The following PTPRF variants were observed in gnomAD, a reference collection of about 807,000 sequenced individuals.
PTPRF encodes the protein protein tyrosine phosphatase receptor type F, also known as receptor-type tyrosine-protein phosphatase F.
In PTPRF, 59 loss-of-function variants were observed where a neutral mutation model predicts 201.8. The ratio of observed to expected loss-of-function variants is 0.29; its 90% CI spans 0.24 to 0.36. The LOEUF is 0.36. Ranked by LOEUF, PTPRF falls within the 10% of genes least tolerant of loss-of-function variation. PTPRF has a pLI of 1.00. For missense variants in PTPRF, 2,132 were observed against 2,690.5 expected (o/e 0.79, Z 4.59); for synonymous variants, 1,088 against 1,089.7 (o/e 1.00, Z 0.03).
chr1:43,603,297 A>G lies in PTPRF; in HGVS notation c.2341-119A>G. Reference sequence around the variant, plus strand: ...CCACCATTGTATAGCCCCACCTTCCACAACCCCTGGCCTTGTGTGCCCCGG... The same window carrying G: ...CCACCATTGTATAGCCCCACCTTCCGCAACCCCTGGCCTTGTGTGCCCCGG... On this transcript the variant is annotated intron_variant, in intron 14 of 33. Coordinates refer to ENST00000359947, the MANE Select transcript of PTPRF (RefSeq NM_002840.5). The surrounding 1 kb of genome is among the most constrained non-coding windows in gnomAD (Gnocchi z 5.8). 1 of 876,570 alleles carries G rather than the reference A, an allele frequency of 1.1e-6. No individual in the cohort carries two copies. The highest frequency in any genetic ancestry group is 1.6e-5 in the African/African-American group (1 of 60,704). 54.3% of individuals were successfully genotyped at this position (876,570 alleles called of 1,614,324 possible). A position where few individuals can be genotyped will look rare whatever the true frequency, so the allele number is the denominator to read the frequency against.
intron 5 of PTPRF, among the ~76,000 whole-genome samples, chr1:43,567,284 G>T (rs1392077545): frequency 6.6e-6 from 1 of 152,150 alleles, no homozygotes; most frequent in East Asian, 1.9e-4. Context: ...AGCAGCAGCT[G>T]GGCCAAAGGA....
chr1:43,539,773 GGA>G (rs1172199993), intron 2 of PTPRF, among the ~76,000 whole-genome samples: 1 of 152,188 alleles, frequency 6.6e-6, no homozygotes, highest in Admixed American at 6.5e-5. Context: ...ACCTGAAGGT[GGA>G]GCCCTCTGTC....
Position 43,542,124 on chromosome 1 carries a change from C to T in PTPRF, c.-45-2907C>T, listed in dbSNP as rs1302101227. Among the ~76,000 whole-genome samples, 1 of 152,190 alleles carries T rather than the reference C, an allele frequency of 6.6e-6. No homozygotes were observed. The highest frequency in any genetic ancestry group is 1.5e-5 in the Non-Finnish European group (1 of 68,028). ...CTGGGACTCTGGGGGCCAAGGTCTACTCTTGAGGCCAGGCCTGGGGATCCA... is the reference window on the plus strand; with the variant it reads ...CTGGGACTCTGGGGGCCAAGGTCTATTCTTGAGGCCAGGCCTGGGGATCCA... On this transcript the variant is annotated intron_variant, in intron 2 of 33. Coordinates refer to ENST00000359947, the MANE Select transcript of PTPRF (RefSeq NM_002840.5). This position sits in a 1 kb window ranked among gnomAD's most constrained non-coding sequence, Gnocchi z 5.2.
chr1:43,541,977 T>C (rs2842189), intron 2 of PTPRF, among the ~76,000 whole-genome samples: 110,326 of 152,094 alleles, frequency 0.73, 41,010 homozygotes, highest in African/African-American at 0.88. Context: ...GAAGTGGGTG[T>C]TCTGCTGTGA....
Position 43,605,410 on chromosome 1 carries a change from C to T in PTPRF, c.3356C>T (p.Ser1119Phe). 6.2e-7 allele frequency: 1 copy of T among 1,612,324 alleles called. No homozygotes were observed. The highest frequency in any genetic ancestry group is 8.5e-7 in the Non-Finnish European group (1 of 1,178,524). Residue 1119 changes from serine (S) to phenylalanine (F), a missense_variant, in exon 18 of 34, where the codon TCC (serine) becomes TTC (phenylalanine). By Grantham distance (155) the Ser-to-Phe change is radical (BLOSUM62 -2). Transcript: ENST00000359947. ...ATAGAGGACGGCCGCTTCGATCTCT[C>T]CATGCCCCATGTGCAAGACCCCTCG... ...AYIEDGRFDL[S>F]MPHVQDPSLV... is the part of the protein sequence containing the mutation.
At position 43,605,559 on chromosome 1, in the gene PTPRF, C is replaced by G. The variant is rs778528006; in HGVS notation, c.3420C>G (p.Asp1140Glu). 1 of 1,614,140 alleles carries G rather than the reference C, an allele frequency of 6.2e-7. No individual in the cohort carries two copies. Among genetic ancestry groups the G allele is most frequent in the Non-Finnish European group, 8.5e-7 (1 of 1,180,016 alleles). ...RWFYIVVVPI[D>E]RVGGSMLTPR... ...TCTACATTGTTGTGGTGCCCATTGA[C>G]CGTGTGGGCGGGAGCATGCTGACGC... The change falls in exon 19 of 34, where the codon GAC (aspartate) becomes GAG (glutamate). Residue 1140 changes from aspartate (D) to glutamate (E), a missense_variant. Physicochemically the swap from Asp to Glu is conservative, Grantham distance 45. This residue lies in a region of PTPRF where 818 missense variants were observed against 915.3 expected (regional missense o/e 0.89). Transcript: ENST00000359947.
rs1655233456 is a variant in PTPRF, at chr1:43,606,809, C to T, written c.3703-5C>T. Reference sequence around the variant, plus strand: ...CACAGCCTGCTGTTCTCCACCGGGCCACAGAAGCGCTATGCCTCCAGCCCC... The same window carrying T: ...CACAGCCTGCTGTTCTCCACCGGGCTACAGAAGCGCTATGCCTCCAGCCCC... On this transcript the variant is annotated splice_polypyrimidine_tract_variant and splice_region_variant and intron_variant, in intron 20 of 33. Transcript: ENST00000359947. 2 of 1,612,586 alleles carry T rather than the reference C, an allele frequency of 1.2e-6. No homozygotes were observed. The highest frequency in any genetic ancestry group is 1.1e-5 in the South Asian group (1 of 91,050).
chr1:43,523,726 T>C (rs939323365), upstream of PTPRF, among the ~76,000 whole-genome samples: 1 of 151,910 alleles, frequency 6.6e-6, no homozygotes, highest in Non-Finnish European at 1.5e-5. Flanking sequence ...AGGAATGCCA[T>C]AATGGCAAAC....
intron 8 of PTPRF, among the ~76,000 whole-genome samples, chr1:43,589,856 C>T (rs1384883237): frequency 6.6e-6 from 1 of 150,716 alleles, no homozygotes; most frequent in Non-Finnish European, 1.5e-5. Flanking sequence ...AGTGACAGAG[C>T]GAGACCCTAT....
chr1:43,587,632 G>A (rs539240640), intron 7 of PTPRF, among the ~76,000 whole-genome samples: 15 of 152,290 alleles, frequency 9.8e-5, no homozygotes, highest in African/African-American at 3.6e-4. Context: ...GCCCCCCAGC[G>A]AGGGTCCTCA....
intron 8 of PTPRF, among the ~76,000 whole-genome samples, chr1:43,589,542 T>A (rs1650067018): frequency 6.6e-6 from 1 of 152,012 alleles, no homozygotes; most frequent in Non-Finnish European, 1.5e-5. Context: ...CACACATGTA[T>A]TACACATATG....
rs78971554 is a variant in PTPRF, at chr1:43,559,864, G to A, written c.379+5923G>A. ...GTAGTTTGTGGGGTGTGCAGCAGGT[G>A]GTGTGTAGCAGGCTATGTATGTATC... On this transcript the variant is annotated intron_variant, in intron 5 of 33. Coordinates refer to ENST00000359947, the MANE Select transcript of PTPRF (RefSeq NM_002840.5). Among the ~76,000 whole-genome samples, 702 of 146,826 alleles carry A rather than the reference G, an allele frequency of 4.8e-3. 7 individuals are homozygous for A. Among genetic ancestry groups the A allele is most frequent in the African/African-American group, 0.017 (671 of 40,442 alleles).
intron 3 of PTPRF, among the ~76,000 whole-genome samples, chr1:43,549,098 A>C (rs1644861692): frequency 6.6e-6 from 1 of 152,150 alleles, no homozygotes. Flanking sequence ...GCGGCCCCCG[A>C]CCACTGTGTG....
chr1:43,601,855 C>G (rs961382261), intron 13 of PTPRF, among the ~76,000 whole-genome samples: 3 of 152,210 alleles, frequency 2.0e-5, no homozygotes, highest in African/African-American at 7.2e-5. Flanking sequence ...GTCTCCCTAC[C>G]CTCCTCAGCC....
rs575230228 is a variant in PTPRF at position 43,558,426 on chromosome 1, C to A, written c.379+4485C>A. Among the ~76,000 whole-genome samples the A allele has an allele frequency of 9.9e-5, 15 of 152,268 alleles. No homozygotes were observed. The East Asian group carries it at 2.9e-3, about 29-fold the overall frequency. On this transcript the variant is annotated intron_variant, in intron 5 of 33. Transcript: ENST00000359947. ...ATCCCCCACAGCCGTGCCCTTTGCACCTCGCATCTGAGCAGGATTGTTATT... is the reference window on the plus strand; with the variant it reads ...ATCCCCCACAGCCGTGCCCTTTGCAACTCGCATCTGAGCAGGATTGTTATT...
At chr1:43,545,273 C>A in intron 3 of PTPRF, 107 bp downstream of exon 3, 1 of 1,212,642 alleles carries the variant, frequency 8.2e-7, no homozygotes, top group Non-Finnish European at 1.2e-6. Context: ...GACAGGGTGG[C>A]CAGAAACCCT....
chr1:43,549,131 CGTGGGGT>C (rs1370296539), intron 3 of PTPRF, among the ~76,000 whole-genome samples: 2 of 152,192 alleles, frequency 1.3e-5, no homozygotes, highest in African/African-American at 4.8e-5. Flanking sequence ...GGCACGCTCT[CGTGGGGT>C]GTCAGGCCAG....
At chr1:43,621,695 C>A (rs548621200) in intron 33 of PTPRF, among the ~76,000 whole-genome samples, 5 of 152,148 alleles carry the variant, frequency 3.3e-5, no homozygotes, top group Non-Finnish European at 7.4e-5. Flanking sequence ...AGCAGAGAAA[C>A]ATGATTGGGA....
chr1:43,606,706 C>G, intron 20 of PTPRF, 108 bp from the exon 21 acceptor site: 1 of 1,459,052 alleles, frequency 6.9e-7, no homozygotes, highest in Non-Finnish European at 9.3e-7. Flanking sequence ...TCTGGGAGAC[C>G]AGGCCCAGGG....
Sources: gnomAD v4.1 joint callset for allele counts (sites outside exome capture counted in the v4.1 genomes callset) on GRCh38, gnomAD v4.1.1 for gene constraint, gnomAD v4.1.1 regional missense constraint, Gnocchi (gnomAD v3.1) non-coding constraint, MANE v1.5 for transcripts, NCBI Gene and HGNC (gene_info 2026-07-23, HGNC 2026-07-21) for gene names.